UVRAG: variants seen among roughly 807,000 people sequenced by gnomAD.
UVRAG encodes UV radiation resistance-associated gene protein.
In UVRAG, 19 loss-of-function variants were observed where a neutral mutation model predicts 78.0. The ratio of observed to expected loss-of-function variants is 0.24; its 90% confidence interval spans 0.17 to 0.36. The LOEUF (loss-of-function observed/expected upper bound fraction) is 0.36. Ranked by LOEUF, UVRAG falls within the 10% of genes least tolerant of loss-of-function variation. UVRAG has a pLI of 1.00. For missense variants in UVRAG, 740 were observed against 853.8 expected (o/e 0.87, Z 1.66); for synonymous variants, 323 against 324.6 (o/e 1.00, Z 0.05).
chr11:75,825,020 A>C (rs1366684275), intron 1 of UVRAG, among the ~76,000 whole-genome samples: 1 of 151,946 alleles, frequency 6.6e-6, no homozygotes, highest in Non-Finnish European at 1.5e-5. Context: ...TACAAACTGA[A>C]GGTGTTTTAG....
At chr11:75,907,152 A>G (rs1420614146) in intron 5 of UVRAG, among the ~76,000 whole-genome samples, 1 of 152,230 alleles carries the variant, frequency 6.6e-6, no homozygotes, top group African/African-American at 2.4e-5. Context: ...ATCCGTGAAC[A>G]TGGGATGCCA....
At chr11:75,860,025 A>G (rs866986045) in intron 2 of UVRAG, among the ~76,000 whole-genome samples, 5 of 152,188 alleles carry the variant, frequency 3.3e-5, no homozygotes, top group East Asian at 1.9e-4. Flanking sequence ...GCTCACTGCA[A>G]CCTCCACCTT....
chr11:76,059,984 A>G (rs534973826), intron 12 of UVRAG, among the ~76,000 whole-genome samples: 1 of 152,344 alleles, frequency 6.6e-6, no homozygotes, highest in Non-Finnish European at 1.5e-5. Flanking sequence ...TCAAATAACT[A>G]AATCTGGATG....
At chr11:75,985,624 G>A (rs1949486446) in intron 8 of UVRAG, among the ~76,000 whole-genome samples, 1 of 151,726 alleles carries the variant, frequency 6.6e-6, no homozygotes, top group Admixed American at 6.6e-5. Flanking sequence ...TTTTATAGTT[G>A]TTTTTCTATG....
At chr11:75,916,350 A>G (rs1947857235) in intron 6 of UVRAG, 1 of 152,246 alleles carries the variant, frequency 6.6e-6, no homozygotes, top group Non-Finnish European at 1.5e-5. Context: ...AGAATTAAAT[A>G]AGATAAAATA....
chr11:75,996,917 G>A (rs1030128531), intron 8 of UVRAG, among the ~76,000 whole-genome samples: 1 of 152,038 alleles, frequency 6.6e-6, no homozygotes, highest in Non-Finnish European at 1.5e-5. Flanking sequence ...TTGTGTAGAG[G>A]TATGACAGAT....
At chr11:76,134,598 C>T in intron 14 of UVRAG, among the ~76,000 whole-genome samples, 1 of 152,112 alleles carries the variant, frequency 6.6e-6, no homozygotes, top group Middle Eastern at 3.4e-3. Context: ...TACCTATTAC[C>T]CTGTGTTCCT....
At chr11:76,124,426 C>T (rs1013480049) in intron 14 of UVRAG, among the ~76,000 whole-genome samples, 1 of 152,214 alleles carries the variant, frequency 6.6e-6, no homozygotes, top group East Asian at 1.9e-4. Flanking sequence ...TGTTCACTCT[C>T]GCTGTCATGT....
At chr11:76,122,920 G>A (rs1267340902) in intron 14 of UVRAG, among the ~76,000 whole-genome samples, 1 of 152,158 alleles carries the variant, frequency 6.6e-6, no homozygotes, top group African/African-American at 2.4e-5. Context: ...ACTTAAGCTT[G>A]CAAGAACCTT....
intron 1 of UVRAG, among the ~76,000 whole-genome samples, chr11:75,825,566 A>G (rs562797382): frequency 1.6e-4 from 24 of 152,354 alleles, no homozygotes; most frequent in African/African-American, 5.5e-4. Context: ...TTAGTATCAC[A>G]TAACCTTGTT....
chr11:76,053,842 C>T (rs573248029), intron 12 of UVRAG, among the ~76,000 whole-genome samples: 5 of 151,962 alleles, frequency 3.3e-5, no homozygotes, highest in South Asian at 4.2e-4. Flanking sequence ...TGGTGGCATG[C>T]GCCTGTAATC....
intron 5 of UVRAG, among the ~76,000 whole-genome samples, chr11:75,891,253 C>T (rs1277407850): frequency 1.3e-5 from 2 of 152,126 alleles, no homozygotes; most frequent in African/African-American, 2.4e-5. Context: ...TTCCCAGCAC[C>T]TGCCACAGTT....
chr11:76,093,966 G>C (rs528290994), intron 13 of UVRAG, among the ~76,000 whole-genome samples: 2 of 152,318 alleles, frequency 1.3e-5, no homozygotes, highest in South Asian at 4.1e-4. Context: ...TCCAGTTTTT[G>C]TCCATTCAGT....
At chr11:75,884,240 T>TCTCTCTCTTTCTC (rs1555080662) in intron 4 of UVRAG, among the ~76,000 whole-genome samples, 14 of 132,468 alleles carry the variant, frequency 1.1e-4, no homozygotes, top group African/African-American at 4.2e-4. Flanking sequence ...CTCTCTCTCT[T>TCTCTCTCTTTCTC]TCTCTCTCTC....
chr11:76,094,731 CTATT>C (rs1047212057), intron 13 of UVRAG, among the ~76,000 whole-genome samples: 1 of 151,992 alleles, frequency 6.6e-6, no homozygotes, highest in Non-Finnish European at 1.5e-5. Flanking sequence ...TTTATTGCAT[CTATT>C]TGTTTCTTCT....
intron 6 of UVRAG, among the ~76,000 whole-genome samples, chr11:75,948,758 A>T (rs753531438): frequency 3.3e-5 from 5 of 152,184 alleles, no homozygotes; most frequent in Non-Finnish European, 7.4e-5. Context: ...TGTGTAGGCA[A>T]CCACACACTA....
At chr11:76,047,599 A>T (rs116706621) in intron 12 of UVRAG, among the ~76,000 whole-genome samples, 2,279 of 152,300 alleles carry the variant, frequency 0.015, 59 homozygotes, top group African/African-American at 0.052. Flanking sequence ...CCAGATGTAG[A>T]TTCCCGAATA....
At chr11:76,033,790 G>A (rs1233255931) in intron 12 of UVRAG, among the ~76,000 whole-genome samples, 1 of 152,104 alleles carries the variant, frequency 6.6e-6, no homozygotes, top group Non-Finnish European at 1.5e-5. Flanking sequence ...ACCAGAAGGA[G>A]ATGCCATTTT....
rs1467862365 is a variant in UVRAG, at chr11:75,940,351, TAA to T, written c.594-21092_594-21091del. On this transcript the variant is annotated intron_variant, in intron 6 of 14. Coordinates refer to ENST00000356136, the MANE Select transcript of UVRAG (RefSeq NM_003369.4). ...ACTATAAAGGTGACCTTAATTGACT[TAA>T]GAGTCAGTTTTCTAGTTATTTCTAA... 2.0e-5 allele frequency among the ~76,000 whole-genome samples: 3 copies of T among 152,166 alleles called. No homozygotes were observed. The East Asian group carries it at 5.8e-4, about 29-fold the overall frequency.
Sources: gnomAD v4.1 joint callset for allele counts (sites outside exome capture counted in the v4.1 genomes callset) on GRCh38, gnomAD v4.1.1 for gene constraint, MANE v1.5 for transcripts, NCBI Gene and HGNC (gene_info 2026-07-23, HGNC 2026-07-21) for gene names.